SND1: variants seen among roughly 807,000 people sequenced by gnomAD.
SND1 encodes the protein staphylococcal nuclease domain-containing protein 1.
SND1 carries 38 observed loss-of-function variants against 121.7 expected under a neutral mutation model. The observed-to-expected ratio is 0.31, with a 90% CI of 0.24 to 0.41. The LOEUF (loss-of-function observed/expected upper bound fraction) is 0.41. SND1 is among the 10% of genes least tolerant of loss of function. SND1 has a pLI of 1.00. For missense variants in SND1, 868 were observed against 1,184.6 expected, an observed-to-expected ratio of 0.73 and a Z score of 3.92; for synonymous variants, 401 against 447.4, an observed-to-expected ratio of 0.90 and a Z score of 1.31.
intron 16 of SND1, among the ~76,000 whole-genome samples, chr7:128,055,509 C>T (rs1188888141): frequency 6.6e-6 from 1 of 152,142 alleles, no homozygotes; most frequent in African/African-American, 2.4e-5. Flanking sequence ...GAGGTTGCAG[C>T]CAGTGGCTCC....
intron 11 of SND1, among the ~76,000 whole-genome samples, chr7:127,837,736 T>C (rs1255093807): frequency 6.6e-6 from 1 of 152,214 alleles, no homozygotes; most frequent in African/African-American, 2.4e-5. Flanking sequence ...TTTTATAAGT[T>C]TAGAATGATA....
At chr7:127,706,071 TTA>T (rs914745516) in intron 8 of SND1, among the ~76,000 whole-genome samples, 14 of 152,142 alleles carry the variant, frequency 9.2e-5, no homozygotes, top group Non-Finnish European at 1.6e-4. Context: ...AGAATTTTTT[TTA>T]TGTTGTTCTA....
intron 10 of SND1, among the ~76,000 whole-genome samples, chr7:127,801,512 C>T (rs1014468643): frequency 6.6e-6 from 1 of 152,294 alleles, no homozygotes; most frequent in East Asian, 1.9e-4. Flanking sequence ...TATCCACCCA[C>T]CTACTGGAAT....
chr7:127,844,492 ATCTT>A, intron 12 of SND1, 68 bp downstream of exon 12: 1 of 1,269,842 alleles, frequency 7.9e-7, no homozygotes, highest in Non-Finnish European at 1.1e-6. Context: ...GCTCATTTGA[ATCTT>A]TCCTTCCTTT....
intron 10 of SND1, among the ~76,000 whole-genome samples, chr7:127,796,970 G>A (rs1353491809): frequency 1.5e-5 from 2 of 137,664 alleles, no homozygotes; most frequent in Admixed American, 1.6e-4. Flanking sequence ...TCAGCTAAAC[G>A]CAACCTCCAC....
intron 15 of SND1, among the ~76,000 whole-genome samples, chr7:127,959,224 C>T (rs575969833): frequency 2.0e-5 from 3 of 152,266 alleles, no homozygotes; most frequent in East Asian, 1.9e-4. Context: ...GCTAGACGTC[C>T]GCTGGCAGTC....
chr7:127,730,236 G>C (rs1796651597), intron 10 of SND1, among the ~76,000 whole-genome samples: 1 of 152,134 alleles, frequency 6.6e-6, no homozygotes, highest in Middle Eastern at 3.2e-3. Context: ...CAAAGTGCTG[G>C]GATTACAGGT....
chr7:127,669,134 A>G (rs982030847), intron 1 of SND1, among the ~76,000 whole-genome samples: 1 of 152,112 alleles, frequency 6.6e-6, no homozygotes, highest in African/African-American at 2.4e-5. Flanking sequence ...CTGGGACTAC[A>G]GGCGCTCGAC....
chr7:127,981,939 C>A (rs1282405493), intron 15 of SND1, among the ~76,000 whole-genome samples: 1 of 152,226 alleles, frequency 6.6e-6, no homozygotes, highest in African/African-American at 2.4e-5. Flanking sequence ...GTTGTTGTAA[C>A]AGGTTTGGTG....
intron 16 of SND1, among the ~76,000 whole-genome samples, chr7:127,991,752 A>G (rs1473941265): frequency 6.6e-6 from 1 of 152,144 alleles, no homozygotes; most frequent in Non-Finnish European, 1.5e-5. Flanking sequence ...AGCTTTCATA[A>G]TACTCACAGA....
At chr7:128,050,402 C>G (rs116294911) in intron 16 of SND1, among the ~76,000 whole-genome samples, 3 of 152,190 alleles carry the variant, frequency 2.0e-5, no homozygotes, top group Non-Finnish European at 4.4e-5. Context: ...ATAACTTATC[C>G]TCACAGCATT....
Position 127,803,315 on chromosome 7 carries a change from C to T in SND1, c.1153-4169C>T, listed in dbSNP as rs373968461. On this transcript the variant is annotated intron_variant, in intron 10 of 23. Transcript: ENST00000354725. ...CTGCACCCCTGTTCCCTTTCCTGCT[C>T]TCCATGTTCTTTTTTCCATTTCACT... Among the ~76,000 whole-genome samples the T allele has an allele frequency of 2.2e-4, 33 of 152,288 alleles. No homozygotes were observed. In the South Asian group the frequency reaches 5.8e-3, roughly 27 times the overall value.
At chr7:127,929,719 A>G (rs1318074162) in intron 15 of SND1, among the ~76,000 whole-genome samples, 2 of 152,280 alleles carry the variant, frequency 1.3e-5, no homozygotes, top group South Asian at 2.1e-4. Context: ...AGGAGCCAAG[A>G]CACTCTTCCC....
chr7:127,752,328 G>A (rs75569698), intron 10 of SND1, among the ~76,000 whole-genome samples: 167 of 152,254 alleles, frequency 1.1e-3, no homozygotes, highest in African/African-American at 3.2e-3. Flanking sequence ...TTTTGCAGCC[G>A]TCGTAATGCT....
chr7:127,928,523 T>TA (rs750142631), intron 14 of SND1, among the ~76,000 whole-genome samples: 1 of 151,530 alleles, frequency 6.6e-6, no homozygotes, highest in Non-Finnish European at 1.5e-5. Flanking sequence ...TTTTTTTTTT[T>TA]AATGAATATT....
At chr7:127,842,022 G>A (rs188408788) in intron 11 of SND1, among the ~76,000 whole-genome samples, 31 of 152,304 alleles carry the variant, frequency 2.0e-4, no homozygotes, top group African/African-American at 7.5e-4. Context: ...ATTCAATGGA[G>A]TGTTCAAGTG....
intron 10 of SND1, among the ~76,000 whole-genome samples, chr7:127,783,565 C>T (rs893991954): frequency 6.6e-6 from 1 of 152,178 alleles, no homozygotes; most frequent in African/African-American, 2.4e-5. Flanking sequence ...GCTGTTAACA[C>T]ATTGATAATT....
intron 10 of SND1, among the ~76,000 whole-genome samples, chr7:127,765,479 C>T (rs537675284): frequency 6.6e-6 from 1 of 152,326 alleles, no homozygotes; most frequent in Admixed American, 6.5e-5. Flanking sequence ...ATCACAGAAT[C>T]GTGTGGCAAC....
chr7:127,902,398 C>G (rs1487119151), intron 13 of SND1, among the ~76,000 whole-genome samples: 1 of 152,230 alleles, frequency 6.6e-6, no homozygotes, highest in Non-Finnish European at 1.5e-5. Flanking sequence ...AGGAGCTTGT[C>G]TTGCATCACA....
Sources: gnomAD v4.1 joint callset for allele counts (sites outside exome capture counted in the v4.1 genomes callset) on GRCh38, gnomAD v4.1.1 for gene constraint, MANE v1.5 for transcripts, NCBI Gene and HGNC (gene_info 2026-07-23, HGNC 2026-07-21) for gene names.